KCNAB1: variants seen among roughly 807,000 people sequenced by gnomAD.
KCNAB1 encodes voltage-gated potassium channel subunit beta-1.
Under a neutral mutation model 64.6 loss-of-function variants are expected in KCNAB1, and 35 were observed. The ratio of observed to expected loss-of-function variants is 0.54; its 90% confidence interval spans 0.41 to 0.72. The LOEUF (loss-of-function observed/expected upper bound fraction) is 0.72, where lower values mean the gene tolerates loss of function less well. KCNAB1 is among the 30% of genes least tolerant of loss of function. KCNAB1 has a pLI of 0.00. For missense variants in KCNAB1, 401 were observed against 512.9 expected (o/e 0.78, Z 2.11); for synonymous variants, 177 against 183.8 (o/e 0.96, Z 0.30).
intron 1 of KCNAB1, among the ~76,000 whole-genome samples, chr3:156,203,064 A>G (rs1055449847): frequency 6.6e-6 from 1 of 152,218 alleles, no homozygotes; most frequent in African/African-American, 2.4e-5. Flanking sequence ...CACACAAAAG[A>G]TGATCTTTTC....
intron 1 of KCNAB1, among the ~76,000 whole-genome samples, chr3:156,180,766 A>T (rs764634158): frequency 1.3e-5 from 2 of 152,216 alleles, no homozygotes; most frequent in Non-Finnish European, 2.9e-5. Context: ...TAGATAGGCA[A>T]ATAAGCTAAG....
intron 1 of KCNAB1, among the ~76,000 whole-genome samples, chr3:156,184,995 C>G (rs1040892417): frequency 2.8e-4 from 43 of 152,302 alleles, no homozygotes; most frequent in African/African-American, 1.0e-3. Flanking sequence ...CTCCATATCT[C>G]TGTTCTCATA....
At chr3:156,128,268 T>C (rs1301952229) in intron 1 of KCNAB1, among the ~76,000 whole-genome samples, 1 of 152,190 alleles carries the variant, frequency 6.6e-6, no homozygotes, top group Non-Finnish European at 1.5e-5. Context: ...TTTGAGCCTG[T>C]GGAGTATAAT....
chr3:156,483,341 G>A (rs750535075), intron 8 of KCNAB1, among the ~76,000 whole-genome samples: 129 of 152,098 alleles, frequency 8.5e-4, no homozygotes, highest in Non-Finnish European at 1.6e-3. Context: ...GCTAGAATGG[G>A]GGTCACCAAT....
chr3:156,486,790 T>C (rs2108343622), intron 8 of KCNAB1, among the ~76,000 whole-genome samples: 1 of 152,320 alleles, frequency 6.6e-6, no homozygotes, highest in African/African-American at 2.4e-5. Flanking sequence ...TCTTCTAGCC[T>C]AAACAGGTCC....
At chr3:156,421,445 T>C (rs556308301) in intron 1 of KCNAB1, among the ~76,000 whole-genome samples, 171 bp from the exon 2 acceptor site, 1 of 152,320 alleles carries the variant, frequency 6.6e-6, no homozygotes, top group East Asian at 1.9e-4. Context: ...TCCTGATGCC[T>C]GAGTGGCCAT....
At chr3:156,226,430 TA>T (rs1480761790) in intron 1 of KCNAB1, among the ~76,000 whole-genome samples, 1 of 152,132 alleles carries the variant, frequency 6.6e-6, no homozygotes, top group South Asian at 2.1e-4. Context: ...ATCAAAGACT[TA>T]AATTTAAGAT....
chr3:156,434,133 T>C (rs1259295720), intron 2 of KCNAB1, among the ~76,000 whole-genome samples: 4 of 152,174 alleles, frequency 2.6e-5, no homozygotes, highest in Admixed American at 6.5e-5. Context: ...AGAAAGATTA[T>C]GAAAAGCACT....
intron 1 of KCNAB1, among the ~76,000 whole-genome samples, chr3:156,421,367 A>G (rs1479092794): frequency 1.3e-5 from 2 of 152,234 alleles, no homozygotes; most frequent in Non-Finnish European, 2.9e-5. Flanking sequence ...AAAGAAGACA[A>G]TATGAGACTG....
chr3:156,336,379 C>CA (rs1341021598), intron 1 of KCNAB1, among the ~76,000 whole-genome samples: 1 of 146,334 alleles, frequency 6.8e-6, no homozygotes, highest in African/African-American at 2.5e-5. Flanking sequence ...AACAAACAAA[C>CA]AAAAAAAGAG....
At chr3:156,513,646 C>T (rs1193783922) in intron 8 of KCNAB1, among the ~76,000 whole-genome samples, 11 of 152,178 alleles carry the variant, frequency 7.2e-5, no homozygotes, top group Admixed American at 7.2e-4. Context: ...GGAAGGGATT[C>T]ATTTTCCTGT....
rs867671478 is a variant in KCNAB1, at chr3:156,296,118, C to T, written c.276-125498C>T. 2.0e-5 allele frequency among the ~76,000 whole-genome samples: 3 copies of T among 152,160 alleles called. No homozygotes were observed. In the South Asian group the frequency reaches 6.2e-4, roughly 31 times the overall value. The stretch of plus-strand genomic sequence containing the variant: ...CATTACACTGTGTTAGTTTGGTGTA[C>T]ACTCTACAACCATACATGATAGATT... On this transcript the variant is annotated intron_variant, in intron 1 of 13. Coordinates refer to ENST00000490337, the MANE Select transcript of KCNAB1 (RefSeq NM_172160.3).
At chr3:156,283,872 T>C (rs994652907) in intron 1 of KCNAB1, among the ~76,000 whole-genome samples, 4 of 151,848 alleles carry the variant, frequency 2.6e-5, no homozygotes, top group African/African-American at 4.8e-5. Context: ...TTCTTCTAAA[T>C]TTTTTTCAAA....
At chr3:156,296,712 A>T (rs1462290700) in intron 1 of KCNAB1, among the ~76,000 whole-genome samples, 1 of 152,058 alleles carries the variant, frequency 6.6e-6, no homozygotes, top group Non-Finnish European at 1.5e-5. Context: ...TGACCTCGTG[A>T]TCCGCCCACC....
chr3:156,318,538 T>C (rs1722448165), intron 1 of KCNAB1, among the ~76,000 whole-genome samples: 1 of 152,178 alleles, frequency 6.6e-6, no homozygotes, highest in African/African-American at 2.4e-5. Flanking sequence ...AAATGTCAAC[T>C]CCATGAGGGC....
intron 1 of KCNAB1, among the ~76,000 whole-genome samples, chr3:156,210,383 T>C (rs906192870): frequency 6.6e-6 from 1 of 152,206 alleles, no homozygotes; most frequent in Non-Finnish European, 1.5e-5. Context: ...AATTCTGGAT[T>C]GTATCTGTAG....
At chr3:156,424,422 T>C (rs1200398610) in intron 2 of KCNAB1, among the ~76,000 whole-genome samples, 1 of 152,174 alleles carries the variant, frequency 6.6e-6, no homozygotes, top group African/African-American at 2.4e-5. Flanking sequence ...GACATTTGCT[T>C]AATTTATGGC....
chr3:156,217,226 A>G (rs1254015271), intron 1 of KCNAB1, among the ~76,000 whole-genome samples: 4 of 152,238 alleles, frequency 2.6e-5, no homozygotes, highest in Admixed American at 1.3e-4. Context: ...ATCTGGTTCC[A>G]GTTCTGATGA....
chr3:156,285,519 G>C (rs974368767), intron 1 of KCNAB1, among the ~76,000 whole-genome samples: 2 of 55,488 alleles, frequency 3.6e-5, no homozygotes, highest in African/African-American at 2.4e-4. Flanking sequence ...TGGTGGGGGG[G>C]ATGGGGGGGT....
Sources: allele counts gnomAD v4.1 joint callset (sites outside exome capture counted in the v4.1 genomes callset), GRCh38; gene constraint gnomAD v4.1.1; transcripts MANE v1.5; gene names NCBI Gene and HGNC (gene_info 2026-07-23, HGNC 2026-07-21).